Variants in CFAP299 observed in about 807,000 individuals in gnomAD.
CFAP299 encodes cilia- and flagella-associated protein 299.
CFAP299 carries 21 observed loss-of-function variants against 27.0 expected under a neutral mutation model. The observed-to-expected ratio is 0.78, with a 90% CI of 0.55 to 1.12. The LOEUF (loss-of-function observed/expected upper bound fraction) is 1.12. Among genes scored for constraint, CFAP299 ranks in the 50% most tolerant of loss-of-function variants. The pLI is 0.00. For synonymous variants in CFAP299, 104 were observed against 98.1 expected (o/e 1.06, Z -0.36); for missense variants, 310 against 276.6 (o/e 1.12, Z -0.86).
At chr4:80,786,250 G>A (rs1727238544) in intron 3 of CFAP299, among the ~76,000 whole-genome samples, 1 of 152,062 alleles carries the variant, frequency 6.6e-6, no homozygotes, top group African/African-American at 2.4e-5. Context: ...TAACCTTAGT[G>A]TAATTAAGTC....
chr4:80,722,826 G>A (rs376240739), intron 3 of CFAP299, among the ~76,000 whole-genome samples: 4 of 151,526 alleles, frequency 2.6e-5, no homozygotes, highest in Admixed American at 1.3e-4. Flanking sequence ...CGTGAACCCC[G>A]GGGGGCAGAG....
At chr4:80,500,852 A>G (rs1187367483) in intron 2 of CFAP299, among the ~76,000 whole-genome samples, 1 of 152,070 alleles carries the variant, frequency 6.6e-6, no homozygotes, top group Non-Finnish European at 1.5e-5. Flanking sequence ...ACTTCTTTTT[A>G]TAAAACCCCT....
chr4:80,627,503 A>C (rs1738971742), intron 3 of CFAP299, among the ~76,000 whole-genome samples: 1 of 152,062 alleles, frequency 6.6e-6, no homozygotes, highest in Middle Eastern at 3.4e-3. Flanking sequence ...AATTAGGCAA[A>C]AGAAAGAAAT....
intron 2 of CFAP299, among the ~76,000 whole-genome samples, chr4:80,447,557 A>G (rs1363234060): frequency 1.3e-5 from 2 of 151,966 alleles, no homozygotes; most frequent in East Asian, 3.9e-4. Flanking sequence ...CTCAGCTTGT[A>G]GCGGTTCCCC....
At chr4:80,612,688 C>A (rs1738056490) in intron 3 of CFAP299, among the ~76,000 whole-genome samples, 1 of 152,022 alleles carries the variant, frequency 6.6e-6, no homozygotes, top group South Asian at 2.1e-4. Flanking sequence ...AATACTCACA[C>A]CTTAAATAGA....
chr4:80,861,359 T>C (rs1345623559), intron 3 of CFAP299, among the ~76,000 whole-genome samples: 1 of 152,196 alleles, frequency 6.6e-6, no homozygotes, highest in Non-Finnish European at 1.5e-5. Flanking sequence ...CCCCTTGCGC[T>C]TCCCAAGTGA....
chr4:80,701,373 T>C (rs80137386), intron 3 of CFAP299, among the ~76,000 whole-genome samples: 3 of 152,218 alleles, frequency 2.0e-5, no homozygotes, highest in Non-Finnish European at 4.4e-5. Flanking sequence ...ACACCAATCA[T>C]CAAACAAGTT....
At chr4:80,939,586 T>C (rs77435682) in intron 4 of CFAP299, among the ~76,000 whole-genome samples, 5,181 of 152,308 alleles carry the variant, frequency 0.034, 202 homozygotes, top group African/African-American at 0.096. Flanking sequence ...TCTGTGTTCT[T>C]TTGTAGCTCA....
chr4:80,578,763 G>A (rs958055987), intron 2 of CFAP299, among the ~76,000 whole-genome samples: 2 of 152,122 alleles, frequency 1.3e-5, no homozygotes, highest in Admixed American at 1.3e-4. Context: ...TGATAAATGA[G>A]TAGGAATTAA....
At chr4:80,668,720 T>G (rs1442886792) in intron 3 of CFAP299, among the ~76,000 whole-genome samples, 13 of 152,198 alleles carry the variant, frequency 8.5e-5, no homozygotes, top group Admixed American at 8.5e-4. Flanking sequence ...TAGAATATTT[T>G]GAATTCAAAG....
chr4:80,864,409 T>G lies in CFAP299; in HGVS notation c.334-5584T>G, dbSNP rs537225139. ...ATTGGGTGTGTCTTGTATATATGTGTGTGTATGTGTATATATATAGGTATA... is the reference window on the plus strand; with the variant it reads ...ATTGGGTGTGTCTTGTATATATGTGGGTGTATGTGTATATATATAGGTATA... On this transcript the variant is annotated intron_variant, in intron 3 of 5. Transcript: ENST00000358105. Among the ~76,000 whole-genome samples, 2 of 145,376 alleles carry G rather than the reference T, an allele frequency of 1.4e-5. 1 individual carries two copies. Among genetic ancestry groups the G allele is most frequent in the South Asian group, 4.4e-4 (2 of 4,582 alleles).
In CFAP299 at chr4:80,607,148, A is replaced by G. The variant is rs551172304; in HGVS notation, c.333+23965A>G. ...TTTTCTTACCAATTTTCTATTGTGA[A>G]CATTTTATGTCTTTCAGAGGGCAGC... is the stretch of plus-strand genomic sequence containing the variant. On this transcript the variant is annotated intron_variant, in intron 3 of 5. Transcript: ENST00000358105. Among the ~76,000 whole-genome samples the G allele has an allele frequency of 3.9e-5, 6 of 152,312 alleles. No individual in the cohort carries two copies. The East Asian group carries it at 1.2e-3, about 29-fold the overall frequency.
chr4:80,717,762 ATAAG>A lies in CFAP299; in HGVS notation c.333+134583_333+134586del, dbSNP rs550724557. ...GTTGACATTTTTATCACCATTTTGTATAAGTAAAAAATGCAGGAAAAATAGTCTA... is the reference window on the plus strand; with the variant it reads ...GTTGACATTTTTATCACCATTTTGTATAAAAAATGCAGGAAAAATAGTCTA... On this transcript the variant is annotated intron_variant, in intron 3 of 5. Coordinates refer to ENST00000358105, the MANE Select transcript of CFAP299 (RefSeq NM_152770.3). Among the ~76,000 whole-genome samples, 34 of 152,266 alleles carry A rather than the reference ATAAG, an allele frequency of 2.2e-4. 1 individual carries two copies. In the South Asian group the frequency reaches 7.0e-3, roughly 32 times the overall value.
At chr4:80,812,369 A>G (rs1560425088) in intron 3 of CFAP299, among the ~76,000 whole-genome samples, 4 of 152,090 alleles carry the variant, frequency 2.6e-5, no homozygotes, top group Admixed American at 2.0e-4. Flanking sequence ...TTTGTATGCC[A>G]AGGGCTAACA....
chr4:80,709,846 A>G (rs1392424307), intron 3 of CFAP299, among the ~76,000 whole-genome samples: 3 of 152,200 alleles, frequency 2.0e-5, no homozygotes, highest in African/African-American at 7.2e-5. Flanking sequence ...GCCAATGAAT[A>G]ATGGGAGCTC....
intron 3 of CFAP299, among the ~76,000 whole-genome samples, chr4:80,673,484 C>T (rs137954279): frequency 0.021 from 3,195 of 151,968 alleles, 137 homozygotes; most frequent in African/African-American, 0.073. Context: ...AATATATATT[C>T]TGTTGATTTG....
intron 3 of CFAP299, among the ~76,000 whole-genome samples, chr4:80,802,720 G>A (rs901489263): frequency 2.0e-5 from 3 of 151,908 alleles, no homozygotes; most frequent in Non-Finnish European, 4.4e-5. Context: ...TGTTTCTCTC[G>A]ATTTTTCTGA....
At chr4:80,377,370 G>C (rs1313164616) in intron 2 of CFAP299, among the ~76,000 whole-genome samples, 2 of 151,982 alleles carry the variant, frequency 1.3e-5, no homozygotes, top group Non-Finnish European at 2.9e-5. Flanking sequence ...TTATTGAAAA[G>C]ACTATTCTTT....
intron 2 of CFAP299, among the ~76,000 whole-genome samples, chr4:80,512,055 G>C (rs942852735): frequency 2.6e-5 from 4 of 152,004 alleles, no homozygotes; most frequent in African/African-American, 7.2e-5. Flanking sequence ...TCAGTAACTA[G>C]GAAAAATTAA....
Sources: allele counts gnomAD v4.1 joint callset (sites outside exome capture counted in the v4.1 genomes callset), GRCh38; gene constraint gnomAD v4.1.1; transcripts MANE v1.5; gene names NCBI Gene and HGNC (gene_info 2026-07-23, HGNC 2026-07-21).